Variants in CSMD2 observed in about 807,000 individuals in gnomAD.
The protein encoded by CSMD2 is CUB and Sushi multiple domains 2, also known as CUB and sushi domain-containing protein 2.
Under a neutral mutation model 398.5 loss-of-function variants are expected in CSMD2, and 130 were observed. The ratio of observed to expected loss-of-function variants is 0.33; its 90% CI spans 0.28 to 0.38. The LOEUF is 0.38. Among genes scored for constraint, CSMD2 ranks in the 10% least tolerant of loss-of-function variants. The pLI, the probability that CSMD2 is intolerant of heterozygous loss-of-function variation, is 1.00. For synonymous variants in CSMD2, 1,828 were observed against 1,908.5 expected, an observed-to-expected ratio of 0.96 and a Z score of 1.10; for missense variants, 3,829 against 4,764.9, an observed-to-expected ratio of 0.80 and a Z score of 5.78.
At chr1:33,640,838 T>C (rs1402901694) in intron 29 of CSMD2, among the ~76,000 whole-genome samples, 1 of 152,210 alleles carries the variant, frequency 6.6e-6, no homozygotes, top group Non-Finnish European at 1.5e-5. Context: ...TTAAGAAGAA[T>C]GACCCATAAC....
chr1:33,616,914 A>G lies in CSMD2; in HGVS notation c.6008T>C (p.Leu2003Pro). Residue 2003 changes from leucine to proline, a missense_variant, in exon 39 of 71, where the codon CTC (leucine) becomes CCC (proline). By Grantham distance (98) the Leu-to-Pro change is moderately conservative. Around this residue, in one of 5 missense-constraint regions of CSMD2, gnomAD observed 2,001 missense variants for 2,567.1 expected, o/e 0.78. Coordinates refer to ENST00000373381, the MANE Select transcript of CSMD2 (RefSeq NM_001281956.2). ...AGTCTGGGCTGTCTTACCAATACAG[A>G]GTGGAGGAGGGTAGTTCCATCGCCG... is the stretch of plus-strand genomic sequence containing the variant. Reference protein sequence around the residue: ...TVRRWNYPPPLCIAQCGGTVE... With the variant: ...TVRRWNYPPPPCIAQCGGTVE... 1 of 1,613,962 alleles carries G rather than the reference A, an allele frequency of 6.2e-7. No homozygotes were observed. Among genetic ancestry groups the G allele is most frequent in the Non-Finnish European group, 8.5e-7 (1 of 1,179,840 alleles).
chr1:33,806,453 T>C (rs1009838572), intron 10 of CSMD2, among the ~76,000 whole-genome samples: 1 of 152,082 alleles, frequency 6.6e-6, no homozygotes, highest in Non-Finnish European at 1.5e-5. Context: ...GAACCCACCA[T>C]CCACCCAGGT....
chr1:34,100,452 G>A (rs111453776), intron 1 of CSMD2, among the ~76,000 whole-genome samples: 47 of 152,144 alleles, frequency 3.1e-4, no homozygotes, highest in African/African-American at 9.2e-4. Flanking sequence ...ACAATACACC[G>A]GGGACACGTT....
At chr1:33,848,064 T>C (rs1303710546) in intron 5 of CSMD2, among the ~76,000 whole-genome samples, 1 of 152,182 alleles carries the variant, frequency 6.6e-6, no homozygotes, top group Non-Finnish European at 1.5e-5. Flanking sequence ...GTGACTCTTT[T>C]GCATAGGTCC....
intron 3 of CSMD2, among the ~76,000 whole-genome samples, chr1:34,006,927 G>C (rs1056561817): frequency 3.3e-5 from 5 of 152,044 alleles, no homozygotes; most frequent in African/African-American, 1.2e-4. Context: ...TCTCAGGCAT[G>C]GAAACTGTGA....
intron 13 of CSMD2, chr1:33,772,178 C>A (rs1478359164): frequency 6.1e-6 from 1 of 164,928 alleles, no homozygotes; most frequent in Non-Finnish European, 1.3e-5. Flanking sequence ...GTGGTGTCTA[C>A]AGCCTTACAA....
chr1:33,808,226 A>C (rs890856150), intron 10 of CSMD2, among the ~76,000 whole-genome samples: 4 of 152,108 alleles, frequency 2.6e-5, no homozygotes, highest in African/African-American at 9.6e-5. Context: ...TGAAGAAGAC[A>C]AGAAAAATCA....
Position 33,633,442 on chromosome 1 carries a change from G to T in CSMD2, c.5180C>A (p.Ser1727Tyr), listed in dbSNP as rs1214119778. The change falls in exon 32 of 71, where the codon TCC becomes TAC. Residue 1727 changes from serine to tyrosine, a missense_variant. Physicochemically the swap from Ser to Tyr is moderately radical, Grantham distance 144. Coordinates refer to ENST00000373381, the MANE Select transcript of CSMD2 (RefSeq NM_001281956.2). The surrounding 1 kb of genome is among the most constrained non-coding windows in gnomAD (Gnocchi z 5.0). ...GHSQHSRLLS[S>Y]LSGSHTGESL... ...GATACCTGTATGGGAGCCCGAGAGGGAGCTGAGGAGCCGCGAGTGCTGGCT... is the reference window on the plus strand; with the variant it reads ...GATACCTGTATGGGAGCCCGAGAGGTAGCTGAGGAGCCGCGAGTGCTGGCT... The T allele has an allele frequency of 6.4e-7, 1 of 1,553,012 alleles. No homozygotes were observed. Among genetic ancestry groups the T allele is most frequent in the Non-Finnish European group, 8.7e-7 (1 of 1,147,836 alleles).
At chr1:33,758,339 A>G (rs998992596) in intron 13 of CSMD2, among the ~76,000 whole-genome samples, 1 of 152,224 alleles carries the variant, frequency 6.6e-6, no homozygotes, top group Non-Finnish European at 1.5e-5. Context: ...ACTCTTGGCT[A>G]TAACTACACT....
chr1:34,050,026 T>G (rs1044756493), intron 2 of CSMD2, among the ~76,000 whole-genome samples: 35 of 152,314 alleles, frequency 2.3e-4, no homozygotes, highest in African/African-American at 7.9e-4. Context: ...GGATGAAACC[T>G]CTCACCAGAA....
chr1:33,919,675 C>T (rs1643876118), intron 4 of CSMD2, among the ~76,000 whole-genome samples: 1 of 152,176 alleles, frequency 6.6e-6, no homozygotes, highest in South Asian at 2.1e-4. Context: ...TTCCTCTCTG[C>T]CTTCAAATGC....
At chr1:34,074,976 T>C (rs962051302) in intron 2 of CSMD2, among the ~76,000 whole-genome samples, 17 of 152,228 alleles carry the variant, frequency 1.1e-4, no homozygotes, top group African/African-American at 3.1e-4. Flanking sequence ...TCCCCAGTCA[T>C]AGCACTTATA....
chr1:34,018,080 GTTTCT>G (rs1163063703), intron 3 of CSMD2, among the ~76,000 whole-genome samples: 1 of 152,038 alleles, frequency 6.6e-6, no homozygotes, highest in Non-Finnish European at 1.5e-5. Flanking sequence ...CACGTCAACT[GTTTCT>G]TTTTTTATTT....
At chr1:34,091,170 G>A (rs1658512820) in intron 1 of CSMD2, among the ~76,000 whole-genome samples, 1 of 152,126 alleles carries the variant, frequency 6.6e-6, no homozygotes, top group Non-Finnish European at 1.5e-5. Flanking sequence ...ACAAGTATCT[G>A]TCTTCTCACC....
chr1:34,043,017 C>T (rs1471752981), intron 2 of CSMD2, among the ~76,000 whole-genome samples: 3 of 152,092 alleles, frequency 2.0e-5, no homozygotes, highest in Non-Finnish European at 4.4e-5. Flanking sequence ...TCTCGATCTT[C>T]TGAACTCGTG....
At chr1:33,619,210 C>T (rs746054479) in intron 37 of CSMD2, among the ~76,000 whole-genome samples, 25 of 152,300 alleles carry the variant, frequency 1.6e-4, no homozygotes, top group East Asian at 7.7e-4. Flanking sequence ...CTAACCAAGG[C>T]GGCAGAAATG....
At chr1:33,901,149 T>A (rs958297743) in intron 5 of CSMD2, among the ~76,000 whole-genome samples, 1 of 152,224 alleles carries the variant, frequency 6.6e-6, no homozygotes, top group African/African-American at 2.4e-5. Context: ...CAAGATGGCA[T>A]TCCACACATG....
At chr1:33,865,282 T>G (rs1639939139) in intron 5 of CSMD2, among the ~76,000 whole-genome samples, 1 of 151,156 alleles carries the variant, frequency 6.6e-6, no homozygotes. Context: ...GGCATCTGAG[T>G]TGAGACAGGC....
intron 9 of CSMD2, 115 bp downstream of exon 9, chr1:33,819,598 G>T (rs926658140): frequency 4.6e-6 from 4 of 862,750 alleles, no homozygotes; most frequent in Non-Finnish European, 5.5e-6. Context: ...GGGAGTGAGG[G>T]GGGAGGGGAG....
Sources: gnomAD v4.1 joint callset for allele counts (sites outside exome capture counted in the v4.1 genomes callset) on GRCh38, gnomAD v4.1.1 for gene constraint, gnomAD v4.1.1 regional missense constraint, Gnocchi (gnomAD v3.1) non-coding constraint, MANE v1.5 for transcripts, NCBI Gene and HGNC (gene_info 2026-07-23, HGNC 2026-07-21) for gene names.